Variants in ERCC1 observed in about 807,000 individuals in gnomAD.
ERCC1 encodes the protein ERCC excision repair 1, endonuclease non-catalytic subunit, also known as DNA excision repair protein ERCC-1.
Under a neutral mutation model 37.6 loss-of-function variants are expected in ERCC1, and 36 were observed. The observed-to-expected ratio is 0.96, with a 90% confidence interval of 0.73 to 1.26. The LOEUF (loss-of-function observed/expected upper bound fraction) is 1.26. Among genes scored for constraint, ERCC1 ranks in the 50% most tolerant of loss-of-function variants. The probability of loss-of-function intolerance (pLI) is 0.00; values close to 1 mark genes in which losing one functional copy is unlikely to be tolerated. For synonymous variants in ERCC1, 156 were observed against 162.1 expected (o/e 0.96, Z 0.28); for missense variants, 349 against 376.5 (o/e 0.93, Z 0.60).
At chr19:45,410,196 ATT>A (rs1386871898) in intron 9 of ERCC1, 1 of 140,262 alleles carries the variant, frequency 7.1e-6, no homozygotes, top group African/African-American at 2.7e-5. Context: ...AGTTATTATT[ATT>A]TTTTTGAGAC....
Position 45,421,231 on chromosome 19 carries a change from G to A in ERCC1, c.268C>T (p.Gln90Ter). 6.2e-7 allele frequency: 1 copy of A among 1,614,182 alleles called. No homozygotes were observed. The highest frequency in any genetic ancestry group is 1.1e-5 in the South Asian group (1 of 91,088). The stretch of plus-strand genomic sequence containing the variant: ...GATTTTGCCCCGGGTTTCAGGGCCT[G>A]GTTGGGCGTCTCTCCTGCCAGGGGC... ...SEPLAGETPN[Q>*]ALKPGAKSNS... Residue 90 changes from glutamine to a stop codon, truncating the protein, a stop_gained, in exon 3 of 10, where the codon CAG becomes TAG. Coordinates refer to ENST00000300853, the MANE Select transcript of ERCC1 (RefSeq NM_001983.4). LOFTEE classifies it high-confidence loss of function.
intron 6 of ERCC1, chr19:45,415,871 C>T: frequency 2.2e-6 from 1 of 445,146 alleles, no homozygotes; most frequent in South Asian, 1.6e-5. Flanking sequence ...CATAGTGGCT[C>T]ATGCTTGTAA....
At chr19:45,409,811 A>G in intron 9 of ERCC1, 86 bp from the exon 10 acceptor site, 1 of 716,850 alleles carries the variant, frequency 1.4e-6, no homozygotes, top group African/African-American at 1.7e-5. Context: ...TTGGTTCTTT[A>G]TTTTCCCCTA....
chr19:45,432,942 T>C (rs1325767356), intron 1 of ERCC1, among the ~76,000 whole-genome samples: 7 of 152,088 alleles, frequency 4.6e-5, no homozygotes, highest in Non-Finnish European at 7.4e-5. Context: ...TAGCCGGGCA[T>C]GGTGGCACAT....
intron 1 of ERCC1, among the ~76,000 whole-genome samples, chr19:45,435,769 C>G (rs1365283223): frequency 6.7e-6 from 1 of 148,732 alleles, no homozygotes; most frequent in African/African-American, 2.5e-5. Flanking sequence ...ACATTCTGTA[C>G]TTTTTTTTTT....
chr19:45,421,636 T>TC (rs1379710922), intron 2 of ERCC1, among the ~76,000 whole-genome samples: 3 of 149,130 alleles, frequency 2.0e-5, no homozygotes, highest in African/African-American at 7.4e-5. Context: ...CCAGCTAATT[T>TC]TTTTTTTTTT....
rs751514174 is a variant in ERCC1 at position 45,421,347 on chromosome 19, G to A, written c.152C>T (p.Thr51Ile). The stretch of plus-strand genomic sequence containing the variant: ...GGTCTGAGGGGCCGCCTGGGCCGAG[G>A]TGTCCACAGTGGGAAGGCTCTGTGT... ...RSTQSLPTVDTSAQAAPQTYA... is the reference protein window; with the variant it reads ...RSTQSLPTVDISAQAAPQTYA... Residue 51 changes from threonine (T) to isoleucine (I), a missense_variant, in exon 3 of 10, where the codon ACC becomes ATC. By Grantham distance (89) the Thr-to-Ile change is moderately conservative (BLOSUM62 -1). Coordinates refer to ENST00000300853, the MANE Select transcript of ERCC1 (RefSeq NM_001983.4). 9.4e-5 allele frequency: 152 copies of A among 1,613,880 alleles called. No homozygotes were observed. The highest frequency in any genetic ancestry group is 1.3e-4 in the Non-Finnish European group (149 of 1,180,034).
At chr19:45,418,970 T>C (rs1974230696) in intron 5 of ERCC1, 128 bp downstream of exon 5, 1 of 725,312 alleles carries the variant, frequency 1.4e-6, no homozygotes, top group Non-Finnish European at 2.5e-6. Context: ...TGGTGACCCA[T>C]GTCATCTCAG....
intron 9 of ERCC1, among the ~76,000 whole-genome samples, chr19:45,411,831 G>T (rs1973755942): frequency 6.7e-6 from 1 of 148,198 alleles, no homozygotes; most frequent in Admixed American, 6.7e-5. Context: ...GAGCTGAGAT[G>T]GTATCTCATT....
chr19:45,414,614 G>A, intron 7 of ERCC1: 1 of 497,848 alleles, frequency 2.0e-6, no homozygotes, highest in South Asian at 2.0e-5. Context: ...ACGGGCCCTT[G>A]TTGAGCCTGG....
At chr19:45,409,808 T>C in intron 9 of ERCC1, 83 bp from the exon 10 acceptor site, 1 of 719,272 alleles carries the variant, frequency 1.4e-6, no homozygotes, top group Non-Finnish European at 2.6e-6. Context: ...GTTTTGGTTC[T>C]TTATTTTCCC....
chr19:45,422,564 G>C (rs3212942), intron 2 of ERCC1, among the ~76,000 whole-genome samples: 1 of 152,004 alleles, frequency 6.6e-6, no homozygotes, highest in Non-Finnish European at 1.5e-5. Context: ...CTTGAGGTTC[G>C]AGACCAGCCT....
chr19:45,409,555 C>T lies in ERCC1; in HGVS notation c.*120G>A. 6.4e-7 allele frequency: 1 copy of T among 1,573,450 alleles called. No individual in the cohort carries two copies. Among genetic ancestry groups the T allele is most frequent in the Non-Finnish European group, 8.6e-7 (1 of 1,159,796 alleles). ...GAAAGCTGAAGGTGCCCACCTGGGC[C>T]ACCAGAAGGTGACACCCCCAGAATC... On this transcript the variant is annotated 3_prime_UTR_variant, in exon 10 of 10. Coordinates refer to ENST00000300853, the MANE Select transcript of ERCC1 (RefSeq NM_001983.4).
At position 45,409,673 on chromosome 19, in the gene ERCC1, C is replaced by A; in HGVS notation, c.*2G>T. On this transcript the variant is annotated 3_prime_UTR_variant, in exon 10 of 10. Coordinates refer to ENST00000300853, the MANE Select transcript of ERCC1 (RefSeq NM_001983.4). ...TGGGGGTTTCCTTGGCAGCTGGGGTCATCAGGGTACTTTCAAGAAGGGCTC... is the reference window on the plus strand; with the variant it reads ...TGGGGGTTTCCTTGGCAGCTGGGGTAATCAGGGTACTTTCAAGAAGGGCTC... 8.3e-7 allele frequency: 1 copy of A among 1,208,498 alleles called. No individual in the cohort carries two copies. The highest frequency in any genetic ancestry group is 1.2e-6 in the Non-Finnish European group (1 of 810,156). 74.9% of individuals were successfully genotyped at this position (1,208,498 alleles called of 1,614,324 possible).
In ERCC1 at chr19:45,414,905, C is replaced by A; in HGVS notation, c.658G>T (p.Ala220Ser). The A allele has an allele frequency of 6.2e-7, 1 of 1,614,028 alleles. No homozygotes were observed. Among genetic ancestry groups the A allele is most frequent in the Non-Finnish European group, 8.5e-7 (1 of 1,179,934 alleles). Residue 220 changes from alanine (A) to serine (S), a missense_variant, in exon 7 of 10, where the codon GCG becomes TCG. Coordinates refer to ENST00000300853, the MANE Select transcript of ERCC1 (RefSeq NM_001983.4). ...TCTAGCTTCTCCATCAGGAGGTCCG[C>A]TGGTTTCTGCTCATAGGCCTTGTAG... ...ETYKAYEQKP[A>S]DLLMEKLEQD...
upstream of ERCC1, chr19:45,423,927 G>A: frequency 2.7e-6 from 3 of 1,097,750 alleles, no homozygotes; most frequent in Middle Eastern, 4.0e-4. Flanking sequence ...CGGCCTCTCT[G>A]GCCCCGCTCC....
Position 45,450,887 on chromosome 19 carries a change from GCCCCCCC to G in ERCC1, c.-7-27513_-7-27507del, listed in dbSNP as rs56670394. On this transcript the variant is annotated intron_variant, in intron 1 of 8. Transcript: ENST00000423698. ...ACGCGGCCGCCGTCTCCGTGCGCCCGCCCCCCCCCCCCCCCCCCACGCCCGCGCAGAC... is the reference window on the plus strand; with the variant it reads ...ACGCGGCCGCCGTCTCCGTGCGCCCGCCCCCCCCCCCACGCCCGCGCAGAC... Among the ~76,000 whole-genome samples the G allele has an allele frequency of 3.8e-3, 224 of 59,384 alleles. 4 individuals are homozygous for G. The highest frequency in any genetic ancestry group is 0.01 in the African/African-American group (205 of 20,096). 39.0% of individuals were successfully genotyped at this position (59,384 alleles called of 152,430 possible).
At chr19:45,442,271 G>C (rs1975140290) in intron 1 of ERCC1, among the ~76,000 whole-genome samples, 1 of 148,380 alleles carries the variant, frequency 6.7e-6, no homozygotes, top group Admixed American at 6.7e-5. Flanking sequence ...AGTGAACCGA[G>C]ATGGCACCAC....
At chr19:45,431,818 C>G (rs1370151795) in intron 1 of ERCC1, among the ~76,000 whole-genome samples, 1 of 151,962 alleles carries the variant, frequency 6.6e-6, no homozygotes, top group East Asian at 1.9e-4. Flanking sequence ...TTGAGCCTAG[C>G]AGGTGGAGGC....
Sources: gnomAD v4.1 joint callset for allele counts (sites outside exome capture counted in the v4.1 genomes callset) on GRCh38, gnomAD v4.1.1 for gene constraint, MANE v1.5 for transcripts, NCBI Gene and HGNC (gene_info 2026-07-23, HGNC 2026-07-21) for gene names.